Variants in GUCY2F observed in about 807,000 individuals in gnomAD.
GUCY2F encodes the protein retinal guanylyl cyclase 2.
A neutral mutation model predicts 73.1 loss-of-function variants in GUCY2F; 61 were observed. That is an observed-to-expected ratio of 0.83 (90% confidence interval 0.68 to 1.03). The LOEUF (loss-of-function observed/expected upper bound fraction) is 1.03. GUCY2F is among the 50% of genes least tolerant of loss of function. The pLI, the probability that GUCY2F is intolerant of heterozygous loss-of-function variation, is 0.00. For synonymous variants in GUCY2F, 331 were observed against 307.8 expected (o/e 1.08, Z -0.79); for missense variants, 912 against 854.3 (o/e 1.07, Z -0.84).
chrX:109,387,045 G>A (rs1391418935), intron 15 of GUCY2F, among the ~76,000 whole-genome samples: 1 of 111,731 alleles, frequency 9.0e-6, no homozygotes, highest in Non-Finnish European at 1.9e-5. Context: ...AAAGCCTAAT[G>A]GAAGGACAGA....
chrX:109,448,160 C>G lies in GUCY2F; in HGVS notation c.1478G>C (p.Arg493Pro), dbSNP rs372111572. ...TTTGATCAACTGGATTTTATTTATA[C>G]GACGCCTAAAACAAACATGAAATCA... The part of the protein sequence containing the change: ...INGFAYFIRR[R>P]INKIQLIKGP... Residue 493 changes from arginine (R) to proline (P), a missense_variant, in exon 6 of 20, where the codon CGT (arginine) becomes CCT (proline). Physicochemically the swap from Arg to Pro is moderately radical, Grantham distance 103 (BLOSUM62 -2). Coordinates refer to ENST00000218006, the MANE Select transcript of GUCY2F (RefSeq NM_001522.3). The G allele has an allele frequency of 5.8e-6, 6 of 1,032,369 alleles. No homozygotes were observed. The highest frequency in any genetic ancestry group is 8.2e-6 in the Non-Finnish European group (6 of 734,789). The allele number at this position is 1,032,369 out of a possible 1,213,427, so 85.1% of individuals were successfully genotyped here.
chrX:109,408,609 C>T (rs763199481), intron 9 of GUCY2F, among the ~76,000 whole-genome samples: 16 of 112,041 alleles, frequency 1.4e-4, no homozygotes, highest in Non-Finnish European at 2.8e-4. Context: ...GGGAGGGACC[C>T]GGGGGAGGTA....
In GUCY2F at chrX:109,453,560, C is replaced by G. The variant is rs778023123; in HGVS notation, c.1332G>C (p.Arg444Ser). Residue 444 changes from arginine (R) to serine (S), a missense_variant, in exon 4 of 20, where the codon AGG becomes AGC. By Grantham distance (110) the Arg-to-Ser change is moderately radical. Coordinates refer to ENST00000218006, the MANE Select transcript of GUCY2F (RefSeq NM_001522.3). ...GGTPIHFPGG[R>S]PPRADAKCWF... is the part of the protein sequence containing the mutation. ...AGCATTTTGCATCTGCTCTAGGGGG[C>G]CTGCCACCAGGGAAGTGAATAGGGG... The G allele has an allele frequency of 1.7e-6, 2 of 1,209,570 alleles. No individual in the cohort carries two copies. Among genetic ancestry groups the G allele is most frequent in the Non-Finnish European group, 2.2e-6 (2 of 893,737 alleles).
chrX:109,431,235 T>C (rs1931604534), intron 7 of GUCY2F, among the ~76,000 whole-genome samples: 1 of 111,783 alleles, frequency 8.9e-6, no homozygotes, highest in Non-Finnish European at 1.9e-5. Flanking sequence ...ATAGATTCTT[T>C]TTTCTCCATA....
chrX:109,399,685 TA>T (rs1312185993), intron 10 of GUCY2F, among the ~76,000 whole-genome samples: 24 of 106,043 alleles, frequency 2.3e-4, no homozygotes, highest in Middle Eastern at 4.7e-3. Context: ...AGGTTCAAAC[TA>T]AAAAAAAAAC....
chrX:109,459,877 A>T (rs1443416871), intron 3 of GUCY2F, among the ~76,000 whole-genome samples: 1 of 111,877 alleles, frequency 8.9e-6, no homozygotes, highest in Non-Finnish European at 1.9e-5. Flanking sequence ...AAAAACATGA[A>T]AAATTAGGAA....
intron 17 of GUCY2F, among the ~76,000 whole-genome samples, chrX:109,377,963 C>T (rs1464676919): frequency 9.0e-6 from 1 of 111,084 alleles, no homozygotes; most frequent in African/African-American, 3.3e-5. Flanking sequence ...TCTTAGAATC[C>T]CAGTTCTCTG....
At chrX:109,389,131 T>A (rs1930504556) in intron 14 of GUCY2F, among the ~76,000 whole-genome samples, 1 of 112,033 alleles carries the variant, frequency 8.9e-6, no homozygotes, top group Non-Finnish European at 1.9e-5. Flanking sequence ...CTGCTTTGCC[T>A]TGCTAATACG....
intron 2 of GUCY2F, among the ~76,000 whole-genome samples, chrX:109,469,500 A>G (rs1028152454): frequency 3.6e-5 from 4 of 109,678 alleles, no homozygotes; most frequent in African/African-American, 1.3e-4. Flanking sequence ...TAGGAGCCAT[A>G]TTCATATTTG....
Position 109,388,513 on chromosome X carries a change from G to T in GUCY2F, c.2932C>A (p.Arg978=), listed in dbSNP as rs1331444939. ...KMRHMPEVPV[R]IRIGLHSGPV... ...CCTGAGTGAAGGCCAATTCGAATTC[G>T]GACCGGCACTTCTGGCATGTGCCGC... is the stretch of plus-strand genomic sequence containing the variant. The change falls in exon 15 of 20, where the codon CGA becomes AGA. Residue 978 remains arginine (R), a synonymous_variant. Transcript: ENST00000218006. 1 of 1,204,776 alleles carries T rather than the reference G, an allele frequency of 8.3e-7. No homozygotes were observed. Among genetic ancestry groups the T allele is most frequent in the Non-Finnish European group, 1.1e-6 (1 of 891,534 alleles).
At chrX:109,418,801 A>G (rs1200383712) in intron 8 of GUCY2F, among the ~76,000 whole-genome samples, 1 of 111,412 alleles carries the variant, frequency 9.0e-6, no homozygotes, top group Non-Finnish European at 1.9e-5. Flanking sequence ...AATTAACAAA[A>G]TCAAAACATT....
chrX:109,472,063 T>C (rs1241037913), intron 2 of GUCY2F, among the ~76,000 whole-genome samples: 3 of 111,195 alleles, frequency 2.7e-5, no homozygotes, highest in African/African-American at 9.8e-5. Context: ...AAGTGCAAAT[T>C]AGACCTGTTT....
At chrX:109,443,774 G>A (rs1382254037) in intron 6 of GUCY2F, among the ~76,000 whole-genome samples, 2 of 111,928 alleles carry the variant, frequency 1.8e-5, no homozygotes, top group African/African-American at 6.5e-5. Flanking sequence ...CTGTCATTTT[G>A]ACATGGATAC....
chrX:109,474,286 C>T (rs1223189942), intron 2 of GUCY2F, among the ~76,000 whole-genome samples: 2 of 111,869 alleles, frequency 1.8e-5, no homozygotes, highest in Non-Finnish European at 3.8e-5. Context: ...GGTGGAGTGG[C>T]TGCAGTGGGG....
intron 8 of GUCY2F, among the ~76,000 whole-genome samples, chrX:109,415,126 T>C (rs1241656814): frequency 2.7e-5 from 3 of 109,918 alleles, no homozygotes; most frequent in South Asian, 7.8e-4. Flanking sequence ...TGGGGACATG[T>C]AGGTGCAAAA....
chrX:109,428,838 C>A (rs182807072), intron 8 of GUCY2F, among the ~76,000 whole-genome samples: 1 of 111,822 alleles, frequency 8.9e-6, no homozygotes, highest in East Asian at 2.8e-4. Flanking sequence ...GCAAAATGTA[C>A]ACAATTGCTG....
intron 8 of GUCY2F, among the ~76,000 whole-genome samples, chrX:109,421,042 A>G (rs2147265402): frequency 9.0e-6 from 1 of 111,453 alleles, no homozygotes; most frequent in African/African-American, 3.2e-5. Context: ...ATTAATAGAG[A>G]AATGAAAATC....
chrX:109,374,537 T>C (rs929459243), intron 19 of GUCY2F, among the ~76,000 whole-genome samples: 1 of 111,968 alleles, frequency 8.9e-6, no homozygotes, highest in Non-Finnish European at 1.9e-5. Context: ...TTCTTAGGAA[T>C]GGATGGATTC....
chrX:109,473,804 A>C lies in GUCY2F; in HGVS notation c.730+1403T>G, dbSNP rs567250559. Among the ~76,000 whole-genome samples the C allele has an allele frequency of 1.4e-4, 16 of 112,277 alleles. No individual in the cohort carries two copies. In the South Asian group the frequency reaches 6.0e-3, roughly 42 times the overall value. ...GGGTGGGATGTGAAACATTCATGGA[A>C]TATAAACTTGCAGGAGACATTGGGC... On this transcript the variant is annotated intron_variant, in intron 2 of 19. Transcript: ENST00000218006.
Sources: gnomAD v4.1 joint callset for allele counts (sites outside exome capture counted in the v4.1 genomes callset) on GRCh38, gnomAD v4.1.1 for gene constraint, MANE v1.5 for transcripts, NCBI Gene and HGNC (gene_info 2026-07-23, HGNC 2026-07-21) for gene names.